Variants in RAN observed in about 807,000 individuals in gnomAD.
RAN encodes RAN, member RAS oncogene family.
RAN carries 2 observed loss-of-function variants against 26.8 expected under a neutral mutation model. That is an observed-to-expected ratio of 0.07 (90% CI 0.03 to 0.23). RAN has a LOEUF of 0.23. Among genes scored for constraint, RAN ranks in the 10% least tolerant of loss-of-function variants. The probability of loss-of-function intolerance (pLI) is 1.00; values close to 1 mark genes in which losing one functional copy is unlikely to be tolerated. For synonymous variants in RAN, 132 were observed against 95.9 expected, an observed-to-expected ratio of 1.38 and a Z score of -2.20; for missense variants, 56 against 264.8, an observed-to-expected ratio of 0.21 and a Z score of 5.47.
intron 5 of RAN, among the ~76,000 whole-genome samples, chr12:130,875,372 C>T (rs151058271): frequency 6.6e-6 from 1 of 151,896 alleles, no homozygotes; most frequent in East Asian, 1.9e-4. Flanking sequence ...CAGGCACTCA[C>T]CACCATGCCC....
rs1565954277 is a variant in RAN at position 130,872,570 on chromosome 12, C to T, written c.-10-14C>T. On this transcript the variant is annotated splice_polypyrimidine_tract_variant and intron_variant, in intron 1 of 6. Transcript: ENST00000543796. ...GGCCGCGCGAGCGCTCGCCTCCGTC[C>T]TCTGCCTCCGCAGGAACGCCGCGAT... 5 of 1,500,538 alleles carry T rather than the reference C, an allele frequency of 3.3e-6. No homozygotes were observed. Among genetic ancestry groups the T allele is most frequent in the South Asian group, 2.6e-5 (2 of 75,822 alleles). 93.0% of individuals were successfully genotyped at this position (1,500,538 alleles called of 1,614,324 possible). A position where few individuals can be genotyped will look rare whatever the true frequency, so the allele number is the denominator to read the frequency against.
chr12:130,873,695 C>G (rs1034708201), intron 4 of RAN: 3 of 158,016 alleles, frequency 1.9e-5, no homozygotes, highest in Non-Finnish European at 1.4e-5. Context: ...CTCACGTTGC[C>G]GATAACACAT....
intron 4 of RAN, chr12:130,873,987 A>G (rs1192480436): frequency 5.2e-6 from 2 of 386,900 alleles, no homozygotes; most frequent in Non-Finnish European, 1.1e-5. Context: ...AGCTTGGACT[A>G]TAGGCACGTG....
At chr12:130,874,255 G>T in intron 4 of RAN, 1 of 324,966 alleles carries the variant, frequency 3.1e-6, no homozygotes, top group Non-Finnish European at 5.7e-6. Context: ...ATGGCAGCTT[G>T]GTTATCCAGA....
chr12:130,875,111 C>A (rs1301883204), intron 5 of RAN, among the ~76,000 whole-genome samples: 1 of 152,156 alleles, frequency 6.6e-6, no homozygotes, highest in Admixed American at 6.5e-5. Flanking sequence ...CAGGCATGAG[C>A]CACTGTGCCC....
At position 130,872,566 on chromosome 12, in the gene RAN, C is replaced by CG. The variant is rs1953157833; in HGVS notation, c.-10-17dup. 1 of 1,490,384 alleles carries CG rather than the reference C, an allele frequency of 6.7e-7. No individual in the cohort carries two copies. Among genetic ancestry groups the CG allele is most frequent in the Non-Finnish European group, 8.9e-7 (1 of 1,126,546 alleles). The allele number at this position is 1,490,384 out of a possible 1,614,324, so 92.3% of individuals were successfully genotyped here. ...GCGGGGCCGCGCGAGCGCTCGCCTC[C>CG]GTCCTCTGCCTCCGCAGGAACGCCG... On this transcript the variant is annotated splice_polypyrimidine_tract_variant and intron_variant, in intron 1 of 6. Coordinates refer to ENST00000543796, the MANE Select transcript of RAN (RefSeq NM_006325.5).
At position 130,872,593 on chromosome 12, in the gene RAN, G is replaced by T; in HGVS notation, c.-1G>T. The stretch of plus-strand genomic sequence containing the variant: ...TCCTCTGCCTCCGCAGGAACGCCGC[G>T]ATGGCTGCGCAGGGAGAGCCCCAGG... On this transcript the variant is annotated 5_prime_UTR_variant, in exon 2 of 7. Transcript: ENST00000543796. 6.6e-7 allele frequency: 1 copy of T among 1,519,810 alleles called. No individual in the cohort carries two copies. The highest frequency in any genetic ancestry group is 8.8e-7 in the Non-Finnish European group (1 of 1,137,412). 94.1% of individuals were successfully genotyped at this position (1,519,810 alleles called of 1,614,324 possible).
At chr12:130,873,208 G>A in intron 4 of RAN, 80 bp downstream of exon 4, 2 of 1,561,780 alleles carry the variant, frequency 1.3e-6, no homozygotes, top group South Asian at 1.2e-5. Context: ...AATCAGGTCT[G>A]TTCCAACAAA....
At chr12:130,874,865 C>G (rs1953209015) in intron 5 of RAN, 132 bp downstream of exon 5, 3 of 795,208 alleles carry the variant, frequency 3.8e-6, no homozygotes, top group African/African-American at 1.8e-5. Context: ...CTCTGTCCCC[C>G]ATGCTGGAGT....
rs780831193 is a variant in RAN at position 130,876,254 on chromosome 12, A to G, written c.*328A>G. On this transcript the variant is annotated 3_prime_UTR_variant, in exon 7 of 7. Coordinates refer to ENST00000543796, the MANE Select transcript of RAN (RefSeq NM_006325.5). ...TTCCCATTCCTTTTCGTTTAGAATC[A>G]GAATAAAGTTGTATTTCAAATATCT... 6.9e-5 allele frequency: 20 copies of G among 289,600 alleles called. No homozygotes were observed. Among genetic ancestry groups the G allele is most frequent in the Non-Finnish European group, 1.2e-4 (19 of 154,494 alleles). The allele number at this position is 289,600 out of a possible 1,614,324, so 17.9% of individuals were successfully genotyped here. A position where few individuals can be genotyped will look rare whatever the true frequency, so the allele number is the denominator to read the frequency against.
chr12:130,873,178 C>G (rs202101584), intron 4 of RAN, 50 bp downstream of exon 4: 2 of 1,611,194 alleles, frequency 1.2e-6, no homozygotes, highest in Non-Finnish European at 1.7e-6. Flanking sequence ...TTGTGTACTT[C>G]AGTCTTCAAG....
intron 4 of RAN, chr12:130,873,671 ATC>A (rs1250768199): frequency 6.3e-6 from 1 of 159,840 alleles, no homozygotes; most frequent in Non-Finnish European, 1.4e-5. Context: ...GAAAATACTC[ATC>A]TCTCTTGGAA....
intron 4 of RAN, chr12:130,873,553 T>G (rs1349571113): frequency 5.8e-6 from 1 of 172,886 alleles, no homozygotes; most frequent in African/African-American, 2.4e-5. Flanking sequence ...CAAGACTAGC[T>G]GATTTCTTGT....
chr12:130,873,513 A>G (rs916461235), intron 4 of RAN: 1 of 207,482 alleles, frequency 4.8e-6, no homozygotes, highest in East Asian at 1.3e-4. Context: ...ACTAGACCAG[A>G]GGAGATAGGA....
chr12:130,873,505 T>TCTA (rs1953178072), intron 4 of RAN: 1 of 234,232 alleles, frequency 4.3e-6, no homozygotes, highest in African/African-American at 2.3e-5. Flanking sequence ...CACCAGATAC[T>TCTA]AGACCAGAGG....
At chr12:130,874,441 G>A (rs183122566) in intron 4 of RAN, 105 bp from the exon 5 acceptor site, 18 of 850,422 alleles carry the variant, frequency 2.1e-5, no homozygotes, top group Admixed American at 1.7e-4. Flanking sequence ...CAGGTGACTC[G>A]TTGAGGTCTA....
In RAN at chr12:130,872,944, G is replaced by T. The variant is rs747242370; in HGVS notation, c.121+24G>T. 1.9e-6 allele frequency: 3 copies of T among 1,614,106 alleles called. No homozygotes were observed. In the African/African-American group the frequency reaches 4.0e-5, roughly 22 times the overall value. Reference sequence around the variant, plus strand: ...AGGTATGTGCTGGAAAACCTTGCTTGTGGAAATATGTGAGAAATGGGTAAG... The same window carrying T: ...AGGTATGTGCTGGAAAACCTTGCTTTTGGAAATATGTGAGAAATGGGTAAG... On this transcript the variant is annotated intron_variant, in intron 3 of 6. Coordinates refer to ENST00000543796, the MANE Select transcript of RAN (RefSeq NM_006325.5).
At chr12:130,872,743 T>C in intron 2 of RAN, 93 bp from the exon 3 acceptor site, 1 of 1,574,776 alleles carries the variant, frequency 6.4e-7, no homozygotes, top group South Asian at 1.1e-5. Context: ...ATTCTTTGTT[T>C]TAAGTGAGCC....
intron 5 of RAN, 135 bp downstream of exon 5, chr12:130,874,868 G>A: frequency 1.3e-6 from 1 of 779,898 alleles, no homozygotes; most frequent in Non-Finnish European, 2.0e-6. Context: ...TGTCCCCCAT[G>A]CTGGAGTGCA....
Sources: allele counts gnomAD v4.1 joint callset (sites outside exome capture counted in the v4.1 genomes callset), GRCh38; gene constraint gnomAD v4.1.1; transcripts MANE v1.5; gene names NCBI Gene and HGNC (gene_info 2026-07-23, HGNC 2026-07-21).